Variants in USH2A observed in about 807,000 individuals in gnomAD.
USH2A encodes the protein usherin.
Under a neutral mutation model 538.9 loss-of-function variants are expected in USH2A, and 443 were observed. That is an observed-to-expected ratio of 0.82 (90% CI 0.76 to 0.89). The LOEUF (loss-of-function observed/expected upper bound fraction) is 0.89, where lower values mean the gene tolerates loss of function less well. Among genes scored for constraint, USH2A ranks in the 40% least tolerant of loss-of-function variants. The probability of loss-of-function intolerance (pLI) is 0.00; values close to 1 mark genes in which losing one functional copy is unlikely to be tolerated. For synonymous variants in USH2A, 2,413 were observed against 2,273.5 expected (o/e 1.06, Z -1.75); for missense variants, 6,633 against 6,324.8 (o/e 1.05, Z -1.65).
intron 32 of USH2A, among the ~76,000 whole-genome samples, chr1:216,040,046 A>G (rs2030197904): frequency 1.0e-5 from 1 of 98,282 alleles, no homozygotes; most frequent in Non-Finnish European, 2.0e-5. Context: ...CTGTCTCTCA[A>G]TTACACACAC....
chr1:216,007,273 CAATT>C (rs1668417491), intron 32 of USH2A, among the ~76,000 whole-genome samples: 1 of 151,912 alleles, frequency 6.6e-6, no homozygotes, highest in South Asian at 2.1e-4. Context: ...CTAGTACACT[CAATT>C]AAATTATAAA....
intron 31 of USH2A, among the ~76,000 whole-genome samples, chr1:216,046,820 C>T (rs990254905): frequency 5.9e-5 from 9 of 152,144 alleles, no homozygotes; most frequent in Admixed American, 1.3e-4. Flanking sequence ...CACTAGTTCA[C>T]TTGACTGATG....
intron 32 of USH2A, among the ~76,000 whole-genome samples, chr1:216,034,283 G>A (rs2102514214): frequency 6.6e-6 from 1 of 152,194 alleles, no homozygotes; most frequent in Admixed American, 6.5e-5. Context: ...TGAGATGGAG[G>A]AATCATCAAT....
intron 50 of USH2A, among the ~76,000 whole-genome samples, chr1:215,793,563 C>G (rs1248853760): frequency 1.4e-5 from 2 of 145,646 alleles, no homozygotes; most frequent in Non-Finnish European, 3.0e-5. Flanking sequence ...ATATATTACA[C>G]TTTTCAAAAA....
At chr1:215,696,524 A>T (rs971590838) in intron 61 of USH2A, among the ~76,000 whole-genome samples, 5 of 152,088 alleles carry the variant, frequency 3.3e-5, no homozygotes, top group African/African-American at 1.2e-4. Flanking sequence ...CAGCATGGCT[A>T]CCAATTGTCA....
At chr1:215,640,421 CT>C in intron 68 of USH2A, 136 bp downstream of exon 68, 1 of 1,151,498 alleles carries the variant, frequency 8.7e-7, no homozygotes, top group Non-Finnish European at 1.3e-6. Flanking sequence ...TGAGCAGTAA[CT>C]TTTTCACAAG....
intron 21 of USH2A, among the ~76,000 whole-genome samples, chr1:216,104,223 C>A (rs555092551): frequency 2.0e-5 from 3 of 152,024 alleles, no homozygotes; most frequent in South Asian, 4.2e-4. Context: ...CTCCTCCCCC[C>A]ACCCCACAAC....
At chr1:216,352,247 C>T (rs2038301318) in intron 4 of USH2A, among the ~76,000 whole-genome samples, 1 of 151,708 alleles carries the variant, frequency 6.6e-6, no homozygotes, top group South Asian at 2.1e-4. Flanking sequence ...CTTGGGGTAC[C>T]AATACTAAGA....
chr1:216,201,372 A>T, intron 16 of USH2A, among the ~76,000 whole-genome samples: 1 of 150,012 alleles, frequency 6.7e-6, no homozygotes, highest in Non-Finnish European at 1.5e-5. Context: ...GCAGTGGCAC[A>T]ATCTCGGCTC....
intron 47 of USH2A, among the ~76,000 whole-genome samples, chr1:215,827,409 TAGG>T (rs1024227676): frequency 3.3e-5 from 5 of 151,990 alleles, no homozygotes; most frequent in African/African-American, 1.2e-4. Flanking sequence ...GTAAAGAAGT[TAGG>T]AGGAGTTTGG....
At chr1:216,366,269 T>G (rs774862526) in intron 3 of USH2A, among the ~76,000 whole-genome samples, 1 of 152,132 alleles carries the variant, frequency 6.6e-6, no homozygotes, top group Non-Finnish European at 1.5e-5. Flanking sequence ...ATTAAAATGA[T>G]AGCAAAACAT....
intron 64 of USH2A, among the ~76,000 whole-genome samples, chr1:215,667,964 G>C (rs1657686347): frequency 6.6e-6 from 1 of 152,184 alleles, no homozygotes; most frequent in South Asian, 2.1e-4. Flanking sequence ...ATACTTGCAA[G>C]GCACACCATG....
chr1:216,081,812 C>T (rs1295683076), intron 26 of USH2A, among the ~76,000 whole-genome samples: 1 of 151,892 alleles, frequency 6.6e-6, no homozygotes, highest in Admixed American at 6.6e-5. Flanking sequence ...AGGCTGGTCT[C>T]GAACTACTGG....
At chr1:216,413,207 C>T (rs1170450147) in intron 3 of USH2A, among the ~76,000 whole-genome samples, 1 of 152,032 alleles carries the variant, frequency 6.6e-6, no homozygotes, top group Non-Finnish European at 1.5e-5. Context: ...CACATACACA[C>T]ACACACAGAG....
rs1429629942 is a variant in USH2A, at chr1:215,813,782, T to C, written c.9693A>G (p.Gln3231=). The change falls in exon 49 of 72, where the codon CAA becomes CAG. Residue 3231 remains glutamine, a synonymous_variant. Transcript: ENST00000307340. ...VCCGGRIQEA[Q]PNHQCCSGYY... is the part of the protein sequence containing the mutation. ...ACCCAGAGCAGCACTGATGATTTGG[T>C]TGTGCCTCCTGTATTCGGCCACCAC... 2.5e-6 allele frequency: 4 copies of C among 1,613,898 alleles called. No individual in the cohort carries two copies. The Admixed American group carries it at 6.7e-5, about 27-fold the overall frequency.
intron 14 of USH2A, among the ~76,000 whole-genome samples, chr1:216,231,696 T>C (rs921191535): frequency 6.6e-6 from 1 of 151,910 alleles, no homozygotes. Context: ...TACAGGTGCA[T>C]GCCACCTTGC....
intron 14 of USH2A, among the ~76,000 whole-genome samples, chr1:216,227,309 C>A (rs1162091555): frequency 6.6e-6 from 1 of 152,120 alleles, no homozygotes; most frequent in African/African-American, 2.4e-5. Context: ...AAAATCTGAT[C>A]TTTTATTTTT....
chr1:215,630,189 C>T (rs1420830520), intron 70 of USH2A: 1 of 490,178 alleles, frequency 2.0e-6, no homozygotes. Flanking sequence ...ACAGAGGTAC[C>T]TCAAAGTGCA....
intron 52 of USH2A, among the ~76,000 whole-genome samples, chr1:215,786,149 T>C (rs1321869963): frequency 6.6e-6 from 1 of 152,186 alleles, no homozygotes; most frequent in East Asian, 1.9e-4. Flanking sequence ...AGGGCCAAGA[T>C]GGTACATAGA....
Sources: allele counts gnomAD v4.1 joint callset (sites outside exome capture counted in the v4.1 genomes callset), GRCh38; gene constraint gnomAD v4.1.1; transcripts MANE v1.5; gene names NCBI Gene and HGNC (gene_info 2026-07-23, HGNC 2026-07-21).